SUPT5H: variants seen among roughly 807,000 people sequenced by gnomAD.
SUPT5H encodes the protein SPT5 homolog, DSIF elongation factor subunit.
SUPT5H carries 24 observed loss-of-function variants against 142.5 expected under a neutral mutation model. The ratio of observed to expected loss-of-function variants is 0.17; its 90% confidence interval spans 0.12 to 0.24. The LOEUF (loss-of-function observed/expected upper bound fraction) is 0.24. Among genes scored for constraint, SUPT5H ranks in the 10% least tolerant of loss-of-function variants. The pLI, the probability that SUPT5H is intolerant of heterozygous loss-of-function variation, is 1.00. For synonymous variants in SUPT5H, 546 were observed against 553.0 expected (o/e 0.99, Z 0.18); for missense variants, 893 against 1,471.8 (o/e 0.61, Z 6.43).
Position 39,464,779 on chromosome 19 carries a change from C to G in SUPT5H, c.625-19C>G, listed in dbSNP as rs889820841. On this transcript the variant is annotated intron_variant, in intron 10 of 29. Transcript: ENST00000432763. ...CGTTGTGTCTCACTGTTTCCTCCTT[C>G]CACCGGCTCACCCTGCAGCCCCTGC... 1 of 1,581,150 alleles carries G rather than the reference C, an allele frequency of 6.3e-7. No individual in the cohort carries two copies.
chr19:39,473,537 C>T lies in SUPT5H; in HGVS notation c.2492+16C>T. The T allele has an allele frequency of 6.2e-7, 1 of 1,604,816 alleles. No homozygotes were observed. On this transcript the variant is annotated intron_variant, in intron 25 of 29. Coordinates refer to ENST00000432763, the MANE Select transcript of SUPT5H (RefSeq NM_001111020.3). The surrounding 1 kb of genome is among the most constrained non-coding windows in gnomAD (Gnocchi z 5.8). The stretch of plus-strand genomic sequence containing the variant: ...CGCCGTCACGGTGAGTCCAGGGTTC[C>T]CCAGGTTCTGGTGTGTGCTGGTGTG...
rs984195843 is a variant in SUPT5H at position 39,469,729 on chromosome 19, G to C, written c.1374+331G>C. ...ACTTTGTTTGCTTAGAGCGGGGTGT[G>C]TGTTTGTCTGTGTCTGGTGTATGTC... On this transcript the variant is annotated intron_variant, in intron 16 of 29. Transcript: ENST00000432763. This position sits in a 1 kb window ranked among gnomAD's most constrained non-coding sequence, Gnocchi z 5.1. 1 of 495,936 alleles carries C rather than the reference G, an allele frequency of 2.0e-6. No homozygotes were observed. The allele number at this position is 495,936 out of a possible 1,614,324, so 30.7% of individuals were successfully genotyped here. A position where few individuals can be genotyped will look rare whatever the true frequency, so the allele number is the denominator to read the frequency against.
Position 39,458,067 on chromosome 19 carries a change from T to G in SUPT5H, c.308-227T>G. On this transcript the variant is annotated intron_variant, in intron 4 of 29. Transcript: ENST00000432763. This position sits in a 1 kb window ranked among gnomAD's most constrained non-coding sequence, Gnocchi z 4.2. ...CTGGGCCAGTGCCCCCCTTTCCCCG[T>G]TATTTTCCGTTCTGTGCGCCTCATA... The G allele has an allele frequency of 1.3e-6, 1 of 785,492 alleles. No homozygotes were observed. The highest frequency in any genetic ancestry group is 2.0e-6 in the Non-Finnish European group (1 of 502,024). 48.7% of individuals were successfully genotyped at this position (785,492 alleles called of 1,614,324 possible). A position where few individuals can be genotyped will look rare whatever the true frequency, so the allele number is the denominator to read the frequency against.
chr19:39,461,838 A>ATAAT (rs1210492634), intron 10 of SUPT5H, among the ~76,000 whole-genome samples: 2 of 138,480 alleles, frequency 1.4e-5, no homozygotes, highest in South Asian at 2.2e-4. Flanking sequence ...AAAAAAAAAA[A>ATAAT]AATAATAATA....
In SUPT5H at chr19:39,469,535, T is replaced by C; in HGVS notation, c.1374+137T>C. 4.8e-6 allele frequency: 6 copies of C among 1,261,540 alleles called. No individual in the cohort carries two copies. Among genetic ancestry groups the C allele is most frequent in the Non-Finnish European group, 5.5e-6 (5 of 908,022 alleles). 78.1% of individuals were successfully genotyped at this position (1,261,540 alleles called of 1,614,324 possible). ...TTGAGGCCCTTCTAGCATTCTCAGG[T>C]GCCTGAGAGGCTCTGTCTGAGTGCA... On this transcript the variant is annotated intron_variant, in intron 16 of 29. Transcript: ENST00000432763. The surrounding 1 kb of genome is among the most constrained non-coding windows in gnomAD (Gnocchi z 5.1).
chr19:39,455,422 C>T (rs1007882996), intron 3 of SUPT5H, among the ~76,000 whole-genome samples: 2 of 151,554 alleles, frequency 1.3e-5, no homozygotes, highest in African/African-American at 2.4e-5. Context: ...ATTAGCTGGG[C>T]GTGGTGGCGG....
At position 39,458,586 on chromosome 19, in the gene SUPT5H, G is replaced by T; in HGVS notation, c.320-232G>T. The T allele has an allele frequency of 1.4e-6, 1 of 701,334 alleles. No homozygotes were observed. The highest frequency in any genetic ancestry group is 1.9e-5 in the South Asian group (1 of 52,536). The allele number at this position is 701,334 out of a possible 1,614,324, so 43.4% of individuals were successfully genotyped here. A position where few individuals can be genotyped will look rare whatever the true frequency, so the allele number is the denominator to read the frequency against. ...CCAGGGTGTGCCTGGACTTTGAGAT[G>T]GGAACAGCTGGAAGCCCCCCAACTT... On this transcript the variant is annotated intron_variant, in intron 5 of 29. Transcript: ENST00000432763. This position sits in a 1 kb window ranked among gnomAD's most constrained non-coding sequence, Gnocchi z 4.2.
Position 39,472,334 on chromosome 19 carries a change from G to T in SUPT5H, c.1951-75G>T. On this transcript the variant is annotated intron_variant, in intron 20 of 29. Transcript: ENST00000432763. The surrounding 1 kb of genome is among the most constrained non-coding windows in gnomAD (Gnocchi z 4.2). ...GGGTGGTCTCCTCAGGGCCCTGCAC[G>T]TGGGATGATGAGTTCCTGTGGTTTG... 1 of 1,454,484 alleles carries T rather than the reference G, an allele frequency of 6.9e-7. No homozygotes were observed. The highest frequency in any genetic ancestry group is 1.4e-5 in the African/African-American group (1 of 71,876). 90.1% of individuals were successfully genotyped at this position (1,454,484 alleles called of 1,614,324 possible).
chr19:39,473,162 G>A lies in SUPT5H; in HGVS notation c.2259-41G>A. The A allele has an allele frequency of 6.2e-7, 1 of 1,610,732 alleles. No individual in the cohort carries two copies. Among genetic ancestry groups the A allele is most frequent in the Non-Finnish European group, 8.5e-7 (1 of 1,179,550 alleles). On this transcript the variant is annotated intron_variant, in intron 23 of 29. Coordinates refer to ENST00000432763, the MANE Select transcript of SUPT5H (RefSeq NM_001111020.3). This position sits in a 1 kb window ranked among gnomAD's most constrained non-coding sequence, Gnocchi z 5.8. ...GCCAGGGTGGGGCTTGCTAGGCAGTGAGAGGGGTCTGCTCACCCCATTTGT... is the reference window on the plus strand; with the variant it reads ...GCCAGGGTGGGGCTTGCTAGGCAGTAAGAGGGGTCTGCTCACCCCATTTGT...
chr19:39,452,880 G>A (rs960032564), intron 2 of SUPT5H, among the ~76,000 whole-genome samples: 5 of 151,982 alleles, frequency 3.3e-5, no homozygotes, highest in African/African-American at 7.3e-5. Flanking sequence ...AGGTGTGGTG[G>A]CGCACACCTG....
chr19:39,473,405 C>T lies in SUPT5H; in HGVS notation c.2387-11C>T. On this transcript the variant is annotated splice_polypyrimidine_tract_variant and intron_variant, in intron 24 of 29. Coordinates refer to ENST00000432763, the MANE Select transcript of SUPT5H (RefSeq NM_001111020.3). The surrounding 1 kb of genome is among the most constrained non-coding windows in gnomAD (Gnocchi z 5.8). ...GGGACAGGACAGACACACTCATTTC[C>T]CCCATTCCAGGTAGCCGCACCCCAC... is the stretch of plus-strand genomic sequence containing the variant. 6.2e-7 allele frequency: 1 copy of T among 1,613,186 alleles called. No homozygotes were observed.
intron 3 of SUPT5H, 56 bp from the exon 4 acceptor site, chr19:39,457,619 C>T: frequency 6.3e-7 from 1 of 1,593,310 alleles, no homozygotes; most frequent in Non-Finnish European, 8.6e-7. Flanking sequence ...GCTTCGTGTC[C>T]TGGGAGCTGT....
rs148558086 is a variant in SUPT5H, at chr19:39,465,003, C to T, written c.830C>T (p.Ser277Phe). ...VKEVANLKPKSWVRLKRGIYK... is the reference protein window; with the variant it reads ...VKEVANLKPKFWVRLKRGIYK... ...GAGGTGGCCAACCTGAAACCAAAGT[C>T]CTGGGTCCGCCTCAAGCGGGGCATC... The change falls in exon 11 of 30, where the codon TCC (serine) becomes TTC (phenylalanine). Residue 277 changes from serine (S) to phenylalanine (F), a missense_variant. By Grantham distance (155) the Ser-to-Phe change is radical (BLOSUM62 -2). Coordinates refer to ENST00000432763, the MANE Select transcript of SUPT5H (RefSeq NM_001111020.3). 4.2e-4 allele frequency: 681 copies of T among 1,614,084 alleles called. No homozygotes were observed. Among genetic ancestry groups the T allele is most frequent in the Non-Finnish European group, 5.6e-4 (666 of 1,180,024 alleles).
At position 39,468,807 on chromosome 19, in the gene SUPT5H, G is replaced by A. The variant is rs751337275; in HGVS notation, c.1089G>A (p.Gly363=). The A allele has an allele frequency of 7.1e-5, 115 of 1,614,040 alleles. No homozygotes were observed. The highest frequency in any genetic ancestry group is 3.7e-4 in the Admixed American group (22 of 60,000). Residue 363 remains glycine, a synonymous_variant, in exon 14 of 30, where the codon GGG becomes GGA. Coordinates refer to ENST00000432763, the MANE Select transcript of SUPT5H (RefSeq NM_001111020.3). ...ASDGDFLIFE[G]NRYSRKGFLF... Reference sequence around the variant, plus strand: ...ATGGTGACTTCCTCATCTTTGAGGGGAACCGTTACAGCCGGAAGGGCTTTC... The same window carrying A: ...ATGGTGACTTCCTCATCTTTGAGGGAAACCGTTACAGCCGGAAGGGCTTTC...
At chr19:39,450,490 TGA>T (rs2079007774) in intron 2 of SUPT5H, among the ~76,000 whole-genome samples, 1 of 152,220 alleles carries the variant, frequency 6.6e-6, no homozygotes, top group Non-Finnish European at 1.5e-5. Context: ...TGGCCAGCAC[TGA>T]GAGAGTATGG....
At chr19:39,463,270 G>A (rs1428109318) in intron 10 of SUPT5H, among the ~76,000 whole-genome samples, 1 of 152,126 alleles carries the variant, frequency 6.6e-6, no homozygotes, top group Non-Finnish European at 1.5e-5. Context: ...CCAAAGTGCT[G>A]GGATTACAGG....
intron 2 of SUPT5H, among the ~76,000 whole-genome samples, chr19:39,447,711 AC>A (rs201090062): frequency 0.029 from 4,469 of 152,226 alleles, 197 homozygotes; most frequent in African/African-American, 0.096. Flanking sequence ...GAGCCACTGC[AC>A]CAAGCCCATT....
chr19:39,474,430 G>T lies in SUPT5H; in HGVS notation c.2820+28G>T. ...AATGGTCTGCCTGCCTGCCCTGAAG[G>T]GTGGTGGGCTAGGGTGACTTTGGGC... On this transcript the variant is annotated intron_variant, in intron 27 of 29. Transcript: ENST00000432763. This position sits in a 1 kb window ranked among gnomAD's most constrained non-coding sequence, Gnocchi z 6.5. 6.2e-7 allele frequency: 1 copy of T among 1,611,338 alleles called. No individual in the cohort carries two copies. Among genetic ancestry groups the T allele is most frequent in the Non-Finnish European group, 8.5e-7 (1 of 1,177,896 alleles).
rs756058048 is a variant in SUPT5H, at chr19:39,470,457, C to T, written c.1611C>T (p.Gly537=). The T allele has an allele frequency of 1.7e-5, 27 of 1,605,086 alleles. No individual in the cohort carries two copies. Among genetic ancestry groups the T allele is most frequent in the East Asian group, 1.1e-4 (5 of 44,348 alleles). ...GVDVGGQHEW[G]ELVQLDPQTV... ...ATGTTGGGGGCCAGCATGAATGGGG[C>T]GAGCTGGTGCAGCTGGATCCCCAGA... is the stretch of plus-strand genomic sequence containing the variant. The change falls in exon 18 of 30, where the codon GGC becomes GGT. Residue 537 remains glycine, a synonymous_variant. Transcript: ENST00000432763. This position sits in a 1 kb window ranked among gnomAD's most constrained non-coding sequence, Gnocchi z 5.8.
Sources: allele counts gnomAD v4.1 joint callset (sites outside exome capture counted in the v4.1 genomes callset), GRCh38; gene constraint gnomAD v4.1.1; non-coding constraint Gnocchi (gnomAD v3.1); transcripts MANE v1.5; gene names NCBI Gene and HGNC (gene_info 2026-07-23, HGNC 2026-07-21).